FBLN2: variants seen among roughly 807,000 people sequenced by gnomAD.
The protein encoded by FBLN2 is fibulin-2.
A neutral mutation model predicts 123.7 loss-of-function variants in FBLN2; 81 were observed. The observed-to-expected ratio is 0.65, with a 90% CI of 0.55 to 0.79. The LOEUF is 0.79. Among genes scored for constraint, FBLN2 ranks in the 30% least tolerant of loss-of-function variants. The pLI is 0.00. For synonymous variants in FBLN2, 699 were observed against 701.4 expected, an observed-to-expected ratio of 1.00 and a Z score of 0.05; for missense variants, 1,603 against 1,681.3, an observed-to-expected ratio of 0.95 and a Z score of 0.81.
intron 1 of FBLN2, among the ~76,000 whole-genome samples, chr3:13,551,369 C>T (rs1043350599): frequency 1.3e-5 from 2 of 152,204 alleles, no homozygotes; most frequent in African/African-American, 2.4e-5. Flanking sequence ...CCCCGTGAAG[C>T]AAGAGCTCAT....
rs61731208 is a variant in FBLN2, at chr3:13,619,797, C to T, written c.2121C>T (p.Gly707=). The T allele has an allele frequency of 2.5e-3, 4,099 of 1,612,786 alleles. 86 individuals carry two copies. In the African/African-American group the frequency reaches 0.042, roughly 16 times the overall value. Residue 707 remains glycine (G), a synonymous_variant, in exon 8 of 18, where the codon GGC becomes GGT. Coordinates refer to ENST00000404922, the MANE Select transcript of FBLN2 (RefSeq NM_001004019.2). Reference sequence around the variant, plus strand: ...CAGCCATATGCTCCTGTTTTCCCGGCTATGCCATCATGGCGGATGGCGTGT... The same window carrying T: ...CAGCCATATGCTCCTGTTTTCCCGGTTATGCCATCATGGCGGATGGCGTGT... ...GGSAICSCFP[G]YAIMADGVSC...
intron 7 of FBLN2, 48 bp downstream of exon 7, chr3:13,619,065 G>T (rs777908096): frequency 2.1e-6 from 3 of 1,446,472 alleles, no homozygotes; most frequent in Admixed American, 1.9e-5. Context: ...GGGTCCAGGG[G>T]GTGGGTCTGG....
intron 4 of FBLN2, among the ~76,000 whole-genome samples, chr3:13,612,878 C>T (rs1705453269): frequency 6.6e-6 from 1 of 152,120 alleles, no homozygotes; most frequent in Non-Finnish European, 1.5e-5. Flanking sequence ...AACATACCAT[C>T]CAAAACCTAG....
At chr3:13,612,356 T>TTCTGTCTGTCTGTCTCTCTG (rs1553621004) in intron 4 of FBLN2, among the ~76,000 whole-genome samples, 14 of 116,514 alleles carry the variant, frequency 1.2e-4, no homozygotes, top group African/African-American at 5.2e-4. Context: ...TTCTTTTTCT[T>TTCTGTCTGTCTGTCTCTCTG]TCTGTCTGTC....
intron 9 of FBLN2, among the ~76,000 whole-genome samples, chr3:13,625,094 T>G (rs1388378589): frequency 6.7e-6 from 1 of 148,204 alleles, no homozygotes; most frequent in Non-Finnish European, 1.5e-5. Context: ...CTCTGTGGCC[T>G]GGGGTGGTTT....
chr3:13,553,483 T>C (rs9824281), intron 1 of FBLN2, among the ~76,000 whole-genome samples: 126,925 of 152,200 alleles, frequency 0.83, 53,148 homozygotes, highest in East Asian at 1. Context: ...GCTGCCCTCG[T>C]GTACGGGGCA....
intron 2 of FBLN2, among the ~76,000 whole-genome samples, chr3:13,587,867 C>T (rs1704558698): frequency 6.6e-6 from 1 of 152,164 alleles, no homozygotes; most frequent in Admixed American, 6.5e-5. Context: ...GAGGCACCCC[C>T]CAATCTTGCT....
intron 2 of FBLN2, among the ~76,000 whole-genome samples, chr3:13,595,752 G>C (rs913992349): frequency 9.2e-5 from 14 of 152,208 alleles, no homozygotes; most frequent in Non-Finnish European, 1.8e-4. Context: ...TGGCTAGAGC[G>C]GTCATGACCT....
chr3:13,614,612 A>G (rs1168353186), intron 5 of FBLN2, among the ~76,000 whole-genome samples: 2 of 146,198 alleles, frequency 1.4e-5, no homozygotes, highest in African/African-American at 5.1e-5. Flanking sequence ...CCATCCACCC[A>G]TCCACCCACC....
chr3:13,591,037 T>A (rs867584257), intron 2 of FBLN2, among the ~76,000 whole-genome samples: 3 of 152,206 alleles, frequency 2.0e-5, no homozygotes, highest in African/African-American at 7.2e-5. Context: ...TGCATGAGAG[T>A]TCCATTTGCT....
At chr3:13,626,219 A>G (rs1706030878) in intron 9 of FBLN2, among the ~76,000 whole-genome samples, 1 of 152,172 alleles carries the variant, frequency 6.6e-6, no homozygotes, top group East Asian at 1.9e-4. Flanking sequence ...TCACTGATGT[A>G]CACCCAGTGC....
intron 1 of FBLN2, among the ~76,000 whole-genome samples, chr3:13,558,431 C>A (rs529765795): frequency 1.3e-5 from 2 of 152,056 alleles, no homozygotes; most frequent in Non-Finnish European, 2.9e-5. Flanking sequence ...AAAAGGCGGA[C>A]GCAGGAGTGA....
intron 2 of FBLN2, among the ~76,000 whole-genome samples, chr3:13,605,526 T>C (rs1053615555): frequency 6.6e-6 from 1 of 152,248 alleles, no homozygotes; most frequent in African/African-American, 2.4e-5. Flanking sequence ...CTCATGCTGC[T>C]GTGTGTGTAT....
intron 1 of FBLN2, among the ~76,000 whole-genome samples, chr3:13,557,459 G>T (rs1231098641): frequency 6.6e-6 from 1 of 152,236 alleles, no homozygotes; most frequent in Non-Finnish European, 1.5e-5. Context: ...GTAGCTTCAG[G>T]CATGGCTGTA....
At chr3:13,552,453 T>C (rs1333933111) in intron 1 of FBLN2, among the ~76,000 whole-genome samples, 1 of 152,128 alleles carries the variant, frequency 6.6e-6, no homozygotes, top group Non-Finnish European at 1.5e-5. Context: ...TTAGCAGCCC[T>C]CTGTCATCCA....
intron 2 of FBLN2, among the ~76,000 whole-genome samples, chr3:13,576,712 CA>C (rs1352586628): frequency 2.3e-5 from 3 of 132,638 alleles, no homozygotes; most frequent in Non-Finnish European, 4.7e-5. Flanking sequence ...AAGGGGTGGT[CA>C]GGGGGATCCC....
chr3:13,553,261 G>A (rs748290659), intron 1 of FBLN2, among the ~76,000 whole-genome samples: 2 of 152,212 alleles, frequency 1.3e-5, no homozygotes, highest in Non-Finnish European at 1.5e-5. Flanking sequence ...GAGGAGGCGC[G>A]GCCAGACTGT....
chr3:13,636,600 G>C, intron 17 of FBLN2, 32 bp downstream of exon 17: 10 of 1,607,654 alleles, frequency 6.2e-6, no homozygotes, highest in Non-Finnish European at 8.5e-6. Context: ...CCAGTCCCAG[G>C]GAGCCTGTCC....
chr3:13,564,998 C>T (rs765937752), intron 1 of FBLN2, among the ~76,000 whole-genome samples: 40 of 152,108 alleles, frequency 2.6e-4, no homozygotes, highest in Non-Finnish European at 4.6e-4. Context: ...TCTGATGTGC[C>T]GGAGCCCTCC....
Sources: allele counts gnomAD v4.1 joint callset (sites outside exome capture counted in the v4.1 genomes callset), GRCh38; gene constraint gnomAD v4.1.1; transcripts MANE v1.5; gene names NCBI Gene and HGNC (gene_info 2026-07-23, HGNC 2026-07-21).